The following ABLIM1 variants were observed in gnomAD, a reference collection of about 807,000 sequenced individuals.
ABLIM1 encodes actin binding LIM protein 1.
ABLIM1 carries 40 observed loss-of-function variants against 107.0 expected under a neutral mutation model. The ratio of observed to expected loss-of-function variants is 0.37; its 90% CI spans 0.29 to 0.49. The LOEUF (loss-of-function observed/expected upper bound fraction) is 0.49. Ranked by LOEUF, ABLIM1 falls within the 20% of genes least tolerant of loss-of-function variation. The probability of loss-of-function intolerance (pLI) is 0.97; values close to 1 mark genes in which losing one functional copy is unlikely to be tolerated. For synonymous variants in ABLIM1, 357 were observed against 357.3 expected (o/e 1.00, Z 0.01); for missense variants, 857 against 1,008.5 (o/e 0.85, Z 2.04).
At chr10:114,792,747 G>A in the ABLIM1 span, among the ~76,000 whole-genome samples, 1 of 152,134 alleles carries the variant, frequency 6.6e-6, no homozygotes, top group African/African-American at 2.4e-5. Context: ...TATATTTCCA[G>A]CTTGGACCTT....
rs961002063 is a variant in ABLIM1 at position 114,545,028 on chromosome 10, A to G, written c.871T>C (p.Phe291Leu). 3 of 1,614,010 alleles carry G rather than the reference A, an allele frequency of 1.9e-6. No individual in the cohort carries two copies. In the African/African-American group the frequency reaches 4.0e-5, roughly 22 times the overall value. The change falls in exon 6 of 23, where the codon TTT becomes CTT. Residue 291 changes from phenylalanine (F) to leucine (L), a missense_variant. This residue lies in a region of ABLIM1 where 381 missense variants were observed against 506.9 expected (regional missense o/e 0.75). Transcript: ENST00000533213. ...ACCTCCAGGACTTTCCCTGTGATAA[A>G]CTGGTGACACGCCTCACATTTCACC... is the stretch of plus-strand genomic sequence containing the variant. ...FGVKCEACHQ[F>L]ITGKVLEAGD... is the part of the protein sequence containing the mutation.
intron 1 of ABLIM1, among the ~76,000 whole-genome samples, chr10:114,679,450 C>T (rs2080641162): frequency 6.6e-6 from 1 of 151,952 alleles, no homozygotes; most frequent in African/African-American, 2.4e-5. Context: ...GCCTGACCAA[C>T]ATGGAGAAAC....
At chr10:114,769,411 AAAGAAAAGAAGGAAAGAAAGAAAGAAAG>A (rs2082981883), upstream of ABLIM1, among the ~76,000 whole-genome samples, 1 of 125,712 alleles carries the variant, frequency 8.0e-6, no homozygotes, top group African/African-American at 3.2e-5. Flanking sequence ...AGAAAGAAAG[AAAGAAAAGAAGGAAAGAAAGAAAGAAAG>A]AAAGAAAGAA....
intron 12 of ABLIM1, chr10:114,463,178 A>T (rs756485650): frequency 1.7e-5 from 22 of 1,261,922 alleles, no homozygotes; most frequent in Non-Finnish European, 7.3e-6. Context: ...TGCAGCAAGG[A>T]GTCAGGGGCA....
chr10:114,758,457 C>A (rs2082677352), intron 1 of ABLIM1, among the ~76,000 whole-genome samples: 1 of 152,258 alleles, frequency 6.6e-6, no homozygotes, highest in Middle Eastern at 3.4e-3. Flanking sequence ...TTGTTTTACA[C>A]CAGAACAACA....
intron 1 of ABLIM1, among the ~76,000 whole-genome samples, chr10:114,617,950 T>C (rs1336536267): frequency 2.6e-5 from 4 of 152,238 alleles, no homozygotes; most frequent in Non-Finnish European, 5.9e-5. Flanking sequence ...CCTGTCTCTA[T>C]AAGAAAGAAA....
intron 6 of ABLIM1, among the ~76,000 whole-genome samples, chr10:114,533,702 T>C (rs2065685835): frequency 6.6e-6 from 1 of 152,180 alleles, no homozygotes; most frequent in Non-Finnish European, 1.5e-5. Flanking sequence ...AGTCTTGCTC[T>C]GTCCCCCAGG....
intron 1 of ABLIM1, among the ~76,000 whole-genome samples, chr10:114,677,734 C>A (rs1591807921): frequency 6.6e-6 from 1 of 152,276 alleles, no homozygotes; most frequent in East Asian, 1.9e-4. Flanking sequence ...AAGATTGCGC[C>A]ACTGCACTCC....
intron 12 of ABLIM1, among the ~76,000 whole-genome samples, chr10:114,456,078 T>G (rs947920650): frequency 6.6e-6 from 1 of 151,636 alleles, no homozygotes; most frequent in African/African-American, 2.4e-5. Flanking sequence ...CCTCCCAAAG[T>G]GCTAGGATTA....
intron 8 of ABLIM1, 23 bp from the exon 9 acceptor site, chr10:114,473,979 T>A: frequency 3.8e-6 from 6 of 1,589,998 alleles, no homozygotes; most frequent in Non-Finnish European, 5.2e-6. Context: ...CAGTGACTTG[T>A]AAGACTTCGG....
At chr10:114,530,683 G>A (rs1230694073) in intron 6 of ABLIM1, among the ~76,000 whole-genome samples, 5 of 152,098 alleles carry the variant, frequency 3.3e-5, no homozygotes, top group African/African-American at 9.7e-5. Flanking sequence ...ACAGGCATCC[G>A]CCACCATAGC....
Position 114,690,269 on chromosome 10 carries a change from G to T in ABLIM1, c.-213+77792C>A, listed in dbSNP as rs533657637. ...TCATCTTGCCAAAGACCACATGCTT[G>T]CCATCCAACCACTCACTCTTGGCAG... On this transcript the variant is annotated intron_variant, in intron 1 of 15. Transcript: ENST00000651092. 71 of 1,537,430 alleles carry T rather than the reference G, an allele frequency of 4.6e-5. No homozygotes were observed. The East Asian group carries it at 1.5e-3, about 33-fold the overall frequency.
Position 114,569,260 on chromosome 10 carries a change from G to A in ABLIM1, c.673+2037C>T, listed in dbSNP as rs192126405. ...GATGGGCCTTGTGGACGTGTTCTCT[G>A]CTACAGCTATCACCATATTCTGGAA... On this transcript the variant is annotated intron_variant, in intron 4 of 22. Coordinates refer to ENST00000533213, the MANE Select transcript of ABLIM1 (RefSeq NM_002313.7). Among the ~76,000 whole-genome samples, 8 of 152,154 alleles carry A rather than the reference G, an allele frequency of 5.3e-5. No individual in the cohort carries two copies. The East Asian group carries it at 1.5e-3, about 29-fold the overall frequency.
chr10:114,778,330 C>G, the ABLIM1 span: 2 of 152,254 alleles, frequency 1.3e-5, no homozygotes, highest in African/African-American at 4.8e-5. Flanking sequence ...GGCCACTGCA[C>G]TACAGCATGG....
At chr10:114,556,703 T>C (rs2068776239) in intron 4 of ABLIM1, among the ~76,000 whole-genome samples, 1 of 152,196 alleles carries the variant, frequency 6.6e-6, no homozygotes, top group South Asian at 2.1e-4. Context: ...AGCAAGTGTA[T>C]ATTGTTGAAT....
intron 1 of ABLIM1, among the ~76,000 whole-genome samples, chr10:114,734,857 C>G (rs1390452707): frequency 6.6e-6 from 1 of 152,046 alleles, no homozygotes; most frequent in Non-Finnish European, 1.5e-5. Flanking sequence ...TAGTAAATAA[C>G]TAATAAGTAA....
chr10:114,487,923 A>G, intron 8 of ABLIM1, 35 bp downstream of exon 8: 3 of 1,611,594 alleles, frequency 1.9e-6, no homozygotes, highest in Non-Finnish European at 2.5e-6. Flanking sequence ...TGGCCTACAA[A>G]TGCAGCTGGC....
At chr10:114,590,365 G>A (rs1179368964) in intron 2 of ABLIM1, among the ~76,000 whole-genome samples, 1 of 152,180 alleles carries the variant, frequency 6.6e-6, no homozygotes, top group East Asian at 1.9e-4. Context: ...GACTGGAGGT[G>A]AGAGGTCAGG....
rs548401248 is a variant in ABLIM1 at position 114,744,009 on chromosome 10, A to G, written c.-213+24052T>C. ...TTTCTGTATGAACCACCAGGAATGC[A>G]GCCTGTAATGGCAGCCTAAGTTGGC... is the stretch of plus-strand genomic sequence containing the variant. On this transcript the variant is annotated intron_variant, in intron 1 of 15. Coordinates refer to the ABLIM1 transcript ENST00000651092. 2.0e-5 allele frequency among the ~76,000 whole-genome samples: 3 copies of G among 152,364 alleles called. No homozygotes were observed. The South Asian group carries it at 6.2e-4, about 32-fold the overall frequency.
Sources: gnomAD v4.1 joint callset for allele counts (sites outside exome capture counted in the v4.1 genomes callset) on GRCh38, gnomAD v4.1.1 for gene constraint, gnomAD v4.1.1 regional missense constraint, MANE v1.5 for transcripts, NCBI Gene and HGNC (gene_info 2026-07-23, HGNC 2026-07-21) for gene names.